GLI3: variants seen among roughly 807,000 people sequenced by gnomAD.
GLI3 encodes GLI family zinc finger 3, also known as transcription activator GLI3.
GLI3 carries 20 observed loss-of-function variants against 100.8 expected under a neutral mutation model. The ratio of observed to expected loss-of-function variants is 0.20; its 90% confidence interval spans 0.14 to 0.29. The LOEUF is 0.29. Among genes scored for constraint, GLI3 ranks in the 10% least tolerant of loss-of-function variants. The pLI is 1.00. For missense variants in GLI3, 2,040 were observed against 2,128.5 expected (o/e 0.96, Z 0.82); for synonymous variants, 938 against 860.5 (o/e 1.09, Z -1.58).
intron 3 of GLI3, among the ~76,000 whole-genome samples, chr7:42,081,568 A>T (rs1784997359): frequency 6.6e-6 from 1 of 152,208 alleles, no homozygotes; most frequent in Admixed American, 6.5e-5. Context: ...AACGAGAGGC[A>T]TTGATTTTTA....
At chr7:42,218,860 T>A (rs1583656697) in intron 2 of GLI3, among the ~76,000 whole-genome samples, 1 of 152,122 alleles carries the variant, frequency 6.6e-6, no homozygotes, top group African/African-American at 2.4e-5. Context: ...TAAAGCCGAG[T>A]TGCAGATTAA....
At chr7:42,163,509 A>G (rs2128672199) in intron 2 of GLI3, among the ~76,000 whole-genome samples, 1 of 150,952 alleles carries the variant, frequency 6.6e-6, no homozygotes, top group South Asian at 2.1e-4. Context: ...GCTCACTGCA[A>G]CCTCCATCTC....
chr7:42,073,235 C>T (rs1240914463), intron 4 of GLI3, among the ~76,000 whole-genome samples: 2 of 152,156 alleles, frequency 1.3e-5, no homozygotes, highest in Non-Finnish European at 2.9e-5. Context: ...AGTTTCTATA[C>T]TCATTCTACA....
intron 10 of GLI3, among the ~76,000 whole-genome samples, chr7:41,996,464 A>G (rs1345353174): frequency 2.0e-5 from 3 of 152,178 alleles, no homozygotes; most frequent in Non-Finnish European, 4.4e-5. Flanking sequence ...CTCATATACA[A>G]AGAAAATACT....
intron 2 of GLI3, among the ~76,000 whole-genome samples, chr7:42,169,829 G>T (rs377225429): frequency 3.4e-4 from 51 of 152,140 alleles, no homozygotes; most frequent in African/African-American, 1.2e-3. Flanking sequence ...TTATCTGTGA[G>T]AAGTCAATTA....
chr7:42,122,841 T>C (rs1786034949), intron 3 of GLI3, among the ~76,000 whole-genome samples: 1 of 152,220 alleles, frequency 6.6e-6, no homozygotes, highest in South Asian at 2.1e-4. Context: ...AATCAGATTT[T>C]CCTAGAGCCT....
chr7:42,198,803 A>G (rs947702492), intron 2 of GLI3, among the ~76,000 whole-genome samples: 1 of 152,134 alleles, frequency 6.6e-6, no homozygotes, highest in Admixed American at 6.6e-5. Flanking sequence ...CAGGCGGCAC[A>G]CACAGATTAA....
chr7:42,151,839 T>A (rs1786872298), intron 2 of GLI3: 1 of 152,084 alleles, frequency 6.6e-6, no homozygotes, highest in East Asian at 1.9e-4. Flanking sequence ...TGTCCCAGAA[T>A]TTCCAAACTC....
At chr7:42,112,272 T>G (rs1785729034) in intron 3 of GLI3, among the ~76,000 whole-genome samples, 1 of 152,128 alleles carries the variant, frequency 6.6e-6, no homozygotes, top group Non-Finnish European at 1.5e-5. Context: ...GTATCTTCAG[T>G]TGATGAGGAA....
chr7:42,203,099 T>C (rs1265605323), intron 2 of GLI3, among the ~76,000 whole-genome samples: 1 of 151,342 alleles, frequency 6.6e-6, no homozygotes, highest in Non-Finnish European at 1.5e-5. Context: ...TTTGTTTACT[T>C]ATTTATTTTA....
chr7:42,085,026 C>T (rs1212661400), intron 3 of GLI3, among the ~76,000 whole-genome samples: 1 of 150,238 alleles, frequency 6.7e-6, no homozygotes. Flanking sequence ...ATTCTCGTGC[C>T]TCAGCCTCCC....
At chr7:41,999,987 T>C (rs1392797826) in intron 10 of GLI3, among the ~76,000 whole-genome samples, 2 of 152,188 alleles carry the variant, frequency 1.3e-5, no homozygotes, top group Admixed American at 1.3e-4. Context: ...CCAGTGGCAA[T>C]GTCTTACCCA....
At chr7:42,017,396 G>T (rs776147560) in intron 10 of GLI3, among the ~76,000 whole-genome samples, 2 of 152,148 alleles carry the variant, frequency 1.3e-5, no homozygotes, top group Non-Finnish European at 2.9e-5. Flanking sequence ...TACAACGGAT[G>T]AATGAATTAA....
intron 2 of GLI3, among the ~76,000 whole-genome samples, chr7:42,155,046 A>C (rs1479966149): frequency 6.6e-6 from 1 of 152,180 alleles, no homozygotes; most frequent in East Asian, 1.9e-4. Context: ...GCCTTGGGGA[A>C]ATTCAAGTGA....
intron 4 of GLI3, among the ~76,000 whole-genome samples, chr7:42,059,450 A>G (rs1278714570): frequency 6.7e-6 from 1 of 149,776 alleles, no homozygotes. Flanking sequence ...TAATAAGTAT[A>G]AATGAATATA....
At chr7:42,096,073 C>G (rs1232382865) in intron 3 of GLI3, among the ~76,000 whole-genome samples, 1 of 152,160 alleles carries the variant, frequency 6.6e-6, no homozygotes, top group African/African-American at 2.4e-5. Context: ...GGTGTGTGCA[C>G]TGCAGGGAGC....
Position 41,961,246 on chromosome 7 carries a change from G to A in GLI3, c.*3084C>T, listed in dbSNP as rs1583724254. ...TAAAAAAGGTGAAAAAAATGAACTT[G>A]TATTTTATTTTACATGTCTGCAGGA... On this transcript the variant is annotated 3_prime_UTR_variant, in exon 15 of 15. Transcript: ENST00000395925. 6.6e-6 allele frequency: 1 copy of A among 152,592 alleles called. No homozygotes were observed. Among genetic ancestry groups the A allele is most frequent in the South Asian group, 2.1e-4 (1 of 4,832 alleles). 9.5% of individuals were successfully genotyped at this position (152,592 alleles called of 1,614,324 possible).
At chr7:42,122,955 T>C (rs944463285) in intron 3 of GLI3, among the ~76,000 whole-genome samples, 1 of 152,236 alleles carries the variant, frequency 6.6e-6, no homozygotes, top group African/African-American at 2.4e-5. Flanking sequence ...AATCTGAATA[T>C]TAATTACAAA....
chr7:42,258,306 C>A (rs56882815), intron 1 of GLI3, among the ~76,000 whole-genome samples: 7,111 of 152,194 alleles, frequency 0.047, 569 homozygotes, highest in African/African-American at 0.16. Flanking sequence ...ACACTTTGCT[C>A]TTATTTAGCT....
Sources: gnomAD v4.1 joint callset for allele counts (sites outside exome capture counted in the v4.1 genomes callset) on GRCh38, gnomAD v4.1.1 for gene constraint, MANE v1.5 for transcripts, NCBI Gene and HGNC (gene_info 2026-07-23, HGNC 2026-07-21) for gene names.